EDA: variants seen among roughly 807,000 people sequenced by gnomAD.
EDA encodes the protein ectodysplasin A.
EDA carries 2 observed loss-of-function variants against 23.6 expected under a neutral mutation model. The observed-to-expected ratio is 0.08, with a 90% CI of 0.03 to 0.27. The LOEUF (loss-of-function observed/expected upper bound fraction) is 0.27, where lower values mean the gene tolerates loss of function less well. EDA is among the 10% of genes least tolerant of loss of function. The pLI, the probability that EDA is intolerant of heterozygous loss-of-function variation, is 1.00. For missense variants in EDA, 229 were observed against 324.2 expected (o/e 0.71, Z 2.26); for synonymous variants, 131 against 132.0 (o/e 0.99, Z 0.05).
chrX:69,743,385 A>G lies in EDA; in HGVS notation c.396+126681A>G, dbSNP rs762642666. ...TACTGCTGGATTTTAAACATTATAT[A>G]GTAGTTGGTTTTTTGTATGTGTGAA... On this transcript the variant is annotated intron_variant, in intron 1 of 7. Transcript: ENST00000374552. Among the ~76,000 whole-genome samples, 5 of 112,037 alleles carry G rather than the reference A, an allele frequency of 4.5e-5. No individual in the cohort carries two copies. In the South Asian group the frequency reaches 1.9e-3, roughly 42 times the overall value.
At chrX:69,754,456 C>T (rs2014024310) in intron 1 of EDA, among the ~76,000 whole-genome samples, 1 of 111,894 alleles carries the variant, frequency 8.9e-6, no homozygotes, top group Middle Eastern at 4.6e-3. Context: ...ATGAGCTACC[C>T]TTTGTGAGTA....
chrX:69,791,491 C>G (rs1251370244), intron 1 of EDA, among the ~76,000 whole-genome samples: 2 of 111,656 alleles, frequency 1.8e-5, no homozygotes, highest in African/African-American at 6.5e-5. Context: ...AATCTATCTT[C>G]TTAATCACCA....
chrX:69,649,589 CTTT>C lies in EDA; in HGVS notation c.396+32898_396+32900del, dbSNP rs34800169. Among the ~76,000 whole-genome samples the C allele has an allele frequency of 7.1e-5, 7 of 98,689 alleles. No individual in the cohort carries two copies. The South Asian group carries it at 1.9e-3, about 26-fold the overall frequency. The allele number at this position is 98,689 out of a possible 115,157, so 85.7% of individuals were successfully genotyped here. A position where few individuals can be genotyped will look rare whatever the true frequency, so the allele number is the denominator to read the frequency against. On this transcript the variant is annotated intron_variant, in intron 1 of 7. Coordinates refer to ENST00000374552, the MANE Select transcript of EDA (RefSeq NM_001399.5). ...ACCCTTGTAGTATGTGAAATACAGT[CTTT>C]TTTTTTTTTTTTGAGACAGGGTCTC... is the stretch of plus-strand genomic sequence containing the variant.
intron 1 of EDA, among the ~76,000 whole-genome samples, chrX:69,872,019 A>C (rs2017574011): frequency 8.9e-6 from 1 of 111,952 alleles, no homozygotes; most frequent in Non-Finnish European, 1.9e-5. Flanking sequence ...AAACTTATAA[A>C]GGAAAACCTA....
At chrX:69,785,854 T>C (rs1176807928) in intron 1 of EDA, among the ~76,000 whole-genome samples, 1 of 108,379 alleles carries the variant, frequency 9.2e-6, no homozygotes, top group African/African-American at 3.3e-5. Flanking sequence ...ATTGGAATAG[T>C]TTCAGAAGGA....
At position 70,027,876 on chromosome X, in the gene EDA, T is replaced by G. The variant is rs758937877; in HGVS notation, c.546T>G (p.Pro182=). 4.2e-6 allele frequency: 4 copies of G among 961,059 alleles called. No homozygotes were observed. The South Asian group carries it at 6.2e-5, about 15-fold the overall frequency. 79.2% of individuals were successfully genotyped at this position (961,059 alleles called of 1,213,427 possible). A position where few individuals can be genotyped will look rare whatever the true frequency, so the allele number is the denominator to read the frequency against. Residue 182 remains proline (P), a synonymous_variant, in exon 4 of 8, where the codon CCT becomes CCG. Transcript: ENST00000374552. ...TTTCAGGAAAGAAAGCAGGACCTCC[T>G]GGACCCAATGGCCCTCCAGGACCCC... ...NKKKGKKAGP[P]GPNGPPGPPG... is the part of the protein sequence containing the mutation.
intron 1 of EDA, among the ~76,000 whole-genome samples, chrX:69,630,350 G>A (rs765351384): frequency 8.9e-6 from 1 of 112,038 alleles, no homozygotes; most frequent in Admixed American, 9.5e-5. Context: ...TACATTTCCA[G>A]TTAACCCATT....
At chrX:70,013,659 C>T (rs2019906928) in intron 2 of EDA, among the ~76,000 whole-genome samples, 1 of 111,370 alleles carries the variant, frequency 9.0e-6, no homozygotes, top group Non-Finnish European at 1.9e-5. Context: ...AGCTCAGGCC[C>T]ATAGTGCAGC....
chrX:69,625,788 C>G (rs1377924462), intron 1 of EDA, among the ~76,000 whole-genome samples: 1 of 107,794 alleles, frequency 9.3e-6, no homozygotes, highest in Non-Finnish European at 1.9e-5. Context: ...AGATATGACA[C>G]CAAACACATA....
intron 2 of EDA, among the ~76,000 whole-genome samples, chrX:70,010,927 C>G (rs2019867040): frequency 9.0e-6 from 1 of 111,692 alleles, no homozygotes; most frequent in South Asian, 3.8e-4. Context: ...CTACCGGGTC[C>G]CTCCCACAAC....
chrX:69,660,823 G>A (rs1933472328), intron 1 of EDA, among the ~76,000 whole-genome samples: 1 of 111,567 alleles, frequency 9.0e-6, no homozygotes, highest in South Asian at 3.8e-4. Flanking sequence ...TGTCTTTATA[G>A]CAGCATGATT....
At chrX:69,990,466 G>A (rs2019571794) in intron 2 of EDA, among the ~76,000 whole-genome samples, 1 of 104,541 alleles carries the variant, frequency 9.6e-6, no homozygotes, top group Non-Finnish European at 1.9e-5. Flanking sequence ...TCCAACTGCC[G>A]GAGTCTAGTT....
intron 2 of EDA, among the ~76,000 whole-genome samples, chrX:70,001,537 G>A (rs1248017887): frequency 2.7e-5 from 3 of 111,687 alleles, no homozygotes; most frequent in Non-Finnish European, 5.6e-5. Context: ...TTAATCTGCC[G>A]ACAGTAAGAC....
chrX:69,787,577 C>T (rs1201789658), intron 1 of EDA, among the ~76,000 whole-genome samples: 1 of 107,070 alleles, frequency 9.3e-6, no homozygotes, highest in Non-Finnish European at 1.9e-5. Flanking sequence ...ATATGAAATT[C>T]TGCATTGAAA....
chrX:69,648,528 C>T lies in EDA; in HGVS notation c.396+31824C>T, dbSNP rs762913063. Among the ~76,000 whole-genome samples, 161 of 112,675 alleles carry T rather than the reference C, an allele frequency of 1.4e-3. 1 individual carries two copies. The highest frequency in any genetic ancestry group is 0.013 in the Admixed American group (136 of 10,724). On this transcript the variant is annotated intron_variant, in intron 1 of 7. Coordinates refer to ENST00000374552, the MANE Select transcript of EDA (RefSeq NM_001399.5). ...GGGAACCCTTCCCCATCCAGGCCAT[C>T]TGTATTCTCCAAAGTTGGCAGGTTG...
intron 1 of EDA, among the ~76,000 whole-genome samples, chrX:69,942,579 T>C: frequency 9.0e-6 from 1 of 111,611 alleles, no homozygotes; most frequent in Non-Finnish European, 1.9e-5. Flanking sequence ...ACAGCTCCAT[T>C]GTTATGTTAT....
intron 1 of EDA, among the ~76,000 whole-genome samples, chrX:69,721,262 A>G (rs769390102): frequency 8.9e-6 from 1 of 111,959 alleles, no homozygotes; most frequent in African/African-American, 3.2e-5. Flanking sequence ...TCTTCCTCCA[A>G]AAGTGTTTGG....
At chrX:69,781,005 C>G (rs2014926303) in intron 1 of EDA, among the ~76,000 whole-genome samples, 1 of 111,777 alleles carries the variant, frequency 8.9e-6, no homozygotes, top group Admixed American at 9.5e-5. Flanking sequence ...AATATGCAGT[C>G]CTTTGTGACT....
chrX:69,792,795 C>T (rs182468031), intron 1 of EDA, among the ~76,000 whole-genome samples: 124 of 111,981 alleles, frequency 1.1e-3, no homozygotes, highest in African/African-American at 3.7e-3. Context: ...TATTCATGCC[C>T]TTTGCCCACT....
Sources: gnomAD v4.1 joint callset for allele counts (sites outside exome capture counted in the v4.1 genomes callset) on GRCh38, gnomAD v4.1.1 for gene constraint, MANE v1.5 for transcripts, NCBI Gene and HGNC (gene_info 2026-07-23, HGNC 2026-07-21) for gene names.